CDYL2: variants seen among roughly 807,000 people sequenced by gnomAD.
CDYL2 encodes the protein chromodomain Y like 2, also known as chromodomain Y-like protein 2.
A neutral mutation model predicts 49.4 loss-of-function variants in CDYL2; 23 were observed. The observed-to-expected ratio is 0.47, with a 90% CI of 0.34 to 0.66. The LOEUF is 0.66. Ranked by LOEUF, CDYL2 falls within the 30% of genes least tolerant of loss-of-function variation. CDYL2 has a pLI of 0.01. For synonymous variants in CDYL2, 360 were observed against 268.8 expected (o/e 1.34, Z -3.32); for missense variants, 678 against 656.4 (o/e 1.03, Z -0.36).
At chr16:80,651,626 T>A (rs1438442562) in intron 2 of CDYL2, among the ~76,000 whole-genome samples, 1 of 152,216 alleles carries the variant, frequency 6.6e-6, no homozygotes, top group Non-Finnish European at 1.5e-5. Flanking sequence ...GCACAGGATC[T>A]CAGGGTAGAA....
intron 1 of CDYL2, among the ~76,000 whole-genome samples, chr16:80,784,052 G>A (rs1335096091): frequency 1.3e-5 from 2 of 152,250 alleles, no homozygotes; most frequent in East Asian, 3.9e-4. Context: ...ATGTTATACT[G>A]TATATATTTT....
At chr16:80,629,858 T>C (rs1907474849) in intron 3 of CDYL2, among the ~76,000 whole-genome samples, 1 of 152,184 alleles carries the variant, frequency 6.6e-6, no homozygotes, top group Non-Finnish European at 1.5e-5. Context: ...GGCCTCTGCT[T>C]CCCATTAACA....
intron 4 of CDYL2, among the ~76,000 whole-genome samples, chr16:80,620,435 A>G (rs938666120): frequency 4.6e-4 from 70 of 152,314 alleles, no homozygotes; most frequent in African/African-American, 1.5e-3. Flanking sequence ...ACACATGGCC[A>G]CTACCAGACT....
chr16:80,779,278 A>G (rs192281266), intron 1 of CDYL2, among the ~76,000 whole-genome samples: 2 of 152,242 alleles, frequency 1.3e-5, no homozygotes, highest in Admixed American at 6.5e-5. Flanking sequence ...ACAGACAAGA[A>G]TTAAACCCAT....
At chr16:80,704,700 C>A (rs562423307) in intron 1 of CDYL2, among the ~76,000 whole-genome samples, 81 of 152,304 alleles carry the variant, frequency 5.3e-4, no homozygotes, top group South Asian at 3.3e-3. Context: ...AGGGAGAAGG[C>A]AGTTCCAGTT....
At chr16:80,638,894 G>A (rs1369047079) in intron 2 of CDYL2, among the ~76,000 whole-genome samples, 2 of 152,056 alleles carry the variant, frequency 1.3e-5, no homozygotes, top group East Asian at 1.9e-4. Context: ...GGATAGTACA[G>A]GAGAAACCCT....
intron 1 of CDYL2, among the ~76,000 whole-genome samples, chr16:80,787,601 CCT>C (rs967756964): frequency 1.3e-5 from 2 of 150,836 alleles, no homozygotes; most frequent in Non-Finnish European, 3.0e-5. Context: ...TTCTCTCTCT[CCT>C]CTCTCTCCTC....
intron 1 of CDYL2, among the ~76,000 whole-genome samples, chr16:80,726,332 A>G (rs1905161353): frequency 6.6e-6 from 1 of 152,230 alleles, no homozygotes; most frequent in Non-Finnish European, 1.5e-5. Context: ...TTCATAAAAC[A>G]AAGACACTGA....
At chr16:80,613,630 A>C (rs1906700748) in intron 4 of CDYL2, among the ~76,000 whole-genome samples, 1 of 152,216 alleles carries the variant, frequency 6.6e-6, no homozygotes. Context: ...TGAGCAAGGC[A>C]TGTACCTTTA....
chr16:80,743,352 A>G (rs1905814615), intron 1 of CDYL2, among the ~76,000 whole-genome samples: 1 of 152,254 alleles, frequency 6.6e-6, no homozygotes, highest in African/African-American at 2.4e-5. Context: ...TTTATAAAAT[A>G]GAGAGAATTC....
At position 80,604,340 on chromosome 16, in the gene CDYL2, G is replaced by A. The variant is rs141544334; in HGVS notation, c.*48C>T. 16,851 of 1,609,042 alleles carry A rather than the reference G, an allele frequency of 0.01. 115 individuals carry two copies. Among genetic ancestry groups the A allele is most frequent in the Non-Finnish European group, 0.012 (14,007 of 1,177,312 alleles). On this transcript the variant is annotated 3_prime_UTR_variant, in exon 7 of 7. Coordinates refer to ENST00000570137, the MANE Select transcript of CDYL2 (RefSeq NM_152342.4). ...GGGCAGACACTGTGCTCTGGTTTCC[G>A]AAACACAGGGCAGAGCTGGAAGTTG...
intron 1 of CDYL2, among the ~76,000 whole-genome samples, chr16:80,694,131 C>T (rs1014220676): frequency 6.6e-6 from 1 of 152,228 alleles, no homozygotes; most frequent in African/African-American, 2.4e-5. Flanking sequence ...CACCTCAGAT[C>T]ATCAGGCATT....
At chr16:80,717,540 A>C (rs1456372284) in intron 1 of CDYL2, among the ~76,000 whole-genome samples, 1 of 152,176 alleles carries the variant, frequency 6.6e-6, no homozygotes, top group Non-Finnish European at 1.5e-5. Context: ...CACTAGGGTG[A>C]AGACTGCTTT....
intron 1 of CDYL2, among the ~76,000 whole-genome samples, chr16:80,781,838 T>C (rs1342130020): frequency 2.6e-5 from 4 of 151,794 alleles, no homozygotes; most frequent in Non-Finnish European, 5.9e-5. Flanking sequence ...ACTTAGGAAA[T>C]ATCTTGAGAC....
At chr16:80,725,197 T>TACACAC (rs1157135471) in intron 1 of CDYL2, among the ~76,000 whole-genome samples, 2 of 149,082 alleles carry the variant, frequency 1.3e-5, no homozygotes, top group East Asian at 2.0e-4. Context: ...CACATACACA[T>TACACAC]ACACACACAC....
At chr16:80,671,404 C>T (rs1412358096) in intron 2 of CDYL2, among the ~76,000 whole-genome samples, 6 of 152,224 alleles carry the variant, frequency 3.9e-5, no homozygotes, top group Non-Finnish European at 8.8e-5. Context: ...ACAAGTACAA[C>T]AGGGGGTTCC....
intron 2 of CDYL2, among the ~76,000 whole-genome samples, chr16:80,653,267 A>G (rs149896796): frequency 0.017 from 2,547 of 152,310 alleles, 59 homozygotes; most frequent in African/African-American, 0.038. Context: ...GGAGTTTGAG[A>G]CCAACCTGAT....
At chr16:80,706,882 C>G (rs572648837) in intron 1 of CDYL2, among the ~76,000 whole-genome samples, 1 of 152,200 alleles carries the variant, frequency 6.6e-6, no homozygotes, top group Non-Finnish European at 1.5e-5. Flanking sequence ...AGACCTGGCT[C>G]TTCAGTTACA....
chr16:80,730,592 A>C (rs1905293219), intron 1 of CDYL2, among the ~76,000 whole-genome samples: 1 of 152,048 alleles, frequency 6.6e-6, no homozygotes, highest in Non-Finnish European at 1.5e-5. Context: ...ATCCTCCCTA[A>C]CTCATTTTAT....
Sources: allele counts gnomAD v4.1 joint callset (sites outside exome capture counted in the v4.1 genomes callset), GRCh38; gene constraint gnomAD v4.1.1; transcripts MANE v1.5; gene names NCBI Gene and HGNC (gene_info 2026-07-23, HGNC 2026-07-21).